PBX1: variants seen among roughly 807,000 people sequenced by gnomAD.
The protein encoded by PBX1 is PBX homeobox 1.
A neutral mutation model predicts 53.4 loss-of-function variants in PBX1; 6 were observed. The ratio of observed to expected loss-of-function variants is 0.11; its 90% confidence interval spans 0.06 to 0.22. The LOEUF (loss-of-function observed/expected upper bound fraction) is 0.22. Ranked by LOEUF, PBX1 falls within the 10% of genes least tolerant of loss-of-function variation. The pLI is 1.00. For synonymous variants in PBX1, 204 were observed against 212.3 expected (o/e 0.96, Z 0.34); for missense variants, 251 against 551.4 (o/e 0.46, Z 5.46).
At chr1:164,670,717 CAG>C (rs772835524) in intron 2 of PBX1, among the ~76,000 whole-genome samples, 2 of 151,750 alleles carry the variant, frequency 1.3e-5, no homozygotes, top group Non-Finnish European at 2.9e-5. Flanking sequence ...CTGAGAATAG[CAG>C]AGAGAGGAAA....
intron 2 of PBX1, among the ~76,000 whole-genome samples, chr1:164,691,183 T>G (rs1455802229): frequency 1.3e-5 from 2 of 151,714 alleles, no homozygotes; most frequent in Non-Finnish European, 2.9e-5. Flanking sequence ...CCCGGCTAAT[T>G]TTTGTATTTT....
intron 2 of PBX1, among the ~76,000 whole-genome samples, chr1:164,736,169 C>A (rs374438110): frequency 1.5e-4 from 23 of 152,316 alleles, no homozygotes; most frequent in African/African-American, 5.1e-4. Context: ...CCTCCCTTCA[C>A]CCTGACTACT....
chr1:164,755,870 C>T (rs929455403), intron 2 of PBX1, among the ~76,000 whole-genome samples: 1 of 151,948 alleles, frequency 6.6e-6, no homozygotes, highest in African/African-American at 2.4e-5. Context: ...TGATAAGCTG[C>T]CAACATGGCT....
chr1:164,820,310 C>A (rs555367127), intron 7 of PBX1, 126 bp downstream of exon 7: 5 of 592,642 alleles, frequency 8.4e-6, no homozygotes, highest in Non-Finnish European at 1.5e-5. Flanking sequence ...ACCTTACCAA[C>A]GACCGAACCA....
At chr1:164,712,142 C>T (rs565600118) in intron 2 of PBX1, among the ~76,000 whole-genome samples, 2 of 141,846 alleles carry the variant, frequency 1.4e-5, no homozygotes, top group African/African-American at 2.6e-5. Context: ...ATCAAAGCAG[C>T]TTAGGCGTTG....
rs143071823 is a variant in PBX1, at chr1:164,811,257, G to A, written c.838-733G>A. 1.4e-3 allele frequency among the ~76,000 whole-genome samples: 214 copies of A among 152,272 alleles called. 1 individual carries two copies. Among genetic ancestry groups the A allele is most frequent in the Non-Finnish European group, 1.8e-3 (120 of 68,016 alleles). ...TGGTATGAAGGGAGCAGAGGTACCAGATCAAGCCAAGACACCTGCTGCGAA... is the reference window on the plus strand; with the variant it reads ...TGGTATGAAGGGAGCAGAGGTACCAAATCAAGCCAAGACACCTGCTGCGAA... On this transcript the variant is annotated intron_variant, in intron 5 of 8. Coordinates refer to ENST00000420696, the MANE Select transcript of PBX1 (RefSeq NM_002585.4).
chr1:164,801,549 T>G (rs1669074716), intron 4 of PBX1, among the ~76,000 whole-genome samples: 2 of 151,962 alleles, frequency 1.3e-5, no homozygotes, highest in Non-Finnish European at 2.9e-5. Context: ...TCATTGGATA[T>G]CTTCTCTCAG....
At chr1:164,772,727 G>T (rs1481175554) in intron 2 of PBX1, among the ~76,000 whole-genome samples, 3 of 152,212 alleles carry the variant, frequency 2.0e-5, no homozygotes, top group Non-Finnish European at 4.4e-5. Flanking sequence ...TCAGAATGAG[G>T]TCTGAAAGGA....
intron 2 of PBX1, among the ~76,000 whole-genome samples, chr1:164,689,590 C>G (rs1662340781): frequency 6.6e-6 from 1 of 152,020 alleles, no homozygotes; most frequent in Non-Finnish European, 1.5e-5. Flanking sequence ...ATGGGTTGGC[C>G]CAAGAGGGAA....
intron 2 of PBX1, among the ~76,000 whole-genome samples, chr1:164,615,554 T>C (rs968874097): frequency 2.6e-5 from 4 of 152,152 alleles, no homozygotes; most frequent in Admixed American, 2.6e-4. Flanking sequence ...AAATGTTAGG[T>C]ACCAAATTGA....
At chr1:164,615,753 C>A (rs1204515068) in intron 2 of PBX1, among the ~76,000 whole-genome samples, 1 of 152,082 alleles carries the variant, frequency 6.6e-6, no homozygotes. Flanking sequence ...ATTGTGCCCA[C>A]CACAACTAAA....
At chr1:164,707,989 TG>T (rs1257200986) in intron 2 of PBX1, among the ~76,000 whole-genome samples, 3 of 152,234 alleles carry the variant, frequency 2.0e-5, no homozygotes, top group Admixed American at 2.0e-4. Context: ...AGACTTCAAG[TG>T]GCTTTGCCGG....
At chr1:164,799,100 A>T (rs985416253) in intron 3 of PBX1, among the ~76,000 whole-genome samples, 6 of 152,158 alleles carry the variant, frequency 3.9e-5, no homozygotes, top group African/African-American at 1.2e-4. Context: ...TGTGTTTTAT[A>T]CTAGAAGTCA....
At chr1:164,650,395 G>A (rs576685311) in intron 2 of PBX1, among the ~76,000 whole-genome samples, 12 of 152,028 alleles carry the variant, frequency 7.9e-5, no homozygotes, top group Middle Eastern at 3.4e-3. Flanking sequence ...TGCCTGACTA[G>A]TTTTTGTATT....
chr1:164,602,260 A>G (rs931403616), intron 2 of PBX1, among the ~76,000 whole-genome samples: 19 of 152,110 alleles, frequency 1.2e-4, no homozygotes, highest in Non-Finnish European at 2.5e-4. Context: ...ATGACTAGAA[A>G]GGCTTGCTGA....
intron 8 of PBX1, among the ~76,000 whole-genome samples, chr1:164,844,532 C>T (rs1302247182): frequency 6.6e-6 from 1 of 152,110 alleles, no homozygotes; most frequent in Non-Finnish European, 1.5e-5. Flanking sequence ...GAATAATTTT[C>T]CCCAAGTAGT....
At chr1:164,681,668 C>T (rs906680972) in intron 2 of PBX1, among the ~76,000 whole-genome samples, 2 of 152,078 alleles carry the variant, frequency 1.3e-5, no homozygotes, top group South Asian at 2.1e-4. Flanking sequence ...GACACTGGGG[C>T]CTACTTTAGA....
At chr1:164,715,158 A>G (rs964268353) in intron 2 of PBX1, among the ~76,000 whole-genome samples, 3 of 151,984 alleles carry the variant, frequency 2.0e-5, no homozygotes, top group African/African-American at 7.3e-5. Context: ...ATGAATGAAT[A>G]TGACTTTTAA....
At chr1:164,826,435 C>T (rs1431835683) in intron 8 of PBX1, among the ~76,000 whole-genome samples, 9 of 151,948 alleles carry the variant, frequency 5.9e-5, no homozygotes, top group African/African-American at 9.7e-5. Context: ...GGCAGAGTCT[C>T]GCTCTGTCAC....
Sources: gnomAD v4.1 joint callset for allele counts (sites outside exome capture counted in the v4.1 genomes callset) on GRCh38, gnomAD v4.1.1 for gene constraint, MANE v1.5 for transcripts, NCBI Gene and HGNC (gene_info 2026-07-23, HGNC 2026-07-21) for gene names.